Variants in LINGO2 observed in about 807,000 individuals in gnomAD.
LINGO2 encodes the protein leucine rich repeat and Ig domain containing 2, also known as leucine-rich repeat and immunoglobulin-like domain-containing nogo receptor-interacting protein 2.
A neutral mutation model predicts 30.6 loss-of-function variants in LINGO2; 14 were observed. That is an observed-to-expected ratio of 0.46 (90% CI 0.30 to 0.72). The LOEUF (loss-of-function observed/expected upper bound fraction) is 0.72. Ranked by LOEUF, LINGO2 falls within the 30% of genes least tolerant of loss-of-function variation. The probability of loss-of-function intolerance (pLI) is 0.07; values close to 1 mark genes in which losing one functional copy is unlikely to be tolerated. For missense variants in LINGO2, 729 were observed against 751.7 expected, an observed-to-expected ratio of 0.97 and a Z score of 0.35; for synonymous variants, 317 against 288.5, an observed-to-expected ratio of 1.10 and a Z score of -1.00.
At chr9:27,987,985 A>G (rs1209770921) in intron 5 of LINGO2, among the ~76,000 whole-genome samples, 1 of 151,952 alleles carries the variant, frequency 6.6e-6, no homozygotes, top group African/African-American at 2.4e-5. Flanking sequence ...TGTATCTCCT[A>G]ATGCTATCCC....
intron 5 of LINGO2, among the ~76,000 whole-genome samples, chr9:28,007,608 C>T (rs1019720484): frequency 6.6e-6 from 1 of 152,100 alleles, no homozygotes; most frequent in African/African-American, 2.4e-5. Flanking sequence ...GATGCCCTGA[C>T]AAATAAAACA....
chr9:28,982,474 A>T, the LINGO2 span, among the ~76,000 whole-genome samples: 8 of 150,532 alleles, frequency 5.3e-5, no homozygotes, highest in Non-Finnish European at 4.5e-5. Flanking sequence ...TCTAAGTCCT[A>T]TGGAGATTTG....
chr9:28,543,842 C>T lies in LINGO2; in HGVS notation c.-364-67817G>A, dbSNP rs150667969. Among the ~76,000 whole-genome samples the T allele has an allele frequency of 3.5e-3, 533 of 152,120 alleles. 2 individuals carry two copies. Among genetic ancestry groups the T allele is most frequent in the African/African-American group, 0.012 (487 of 41,532 alleles). Reference sequence around the variant, plus strand: ...GAGGGGGTTAGAAGGCACCTGATGACATACTTAAGTTTAATAAGATCTTGA... The same window carrying T: ...GAGGGGGTTAGAAGGCACCTGATGATATACTTAAGTTTAATAAGATCTTGA... On this transcript the variant is annotated intron_variant, in intron 1 of 5. Coordinates refer to ENST00000379992, the Ensembl canonical transcript of LINGO2.
intron 1 of LINGO2, among the ~76,000 whole-genome samples, chr9:28,540,275 T>TCC (rs1400992446): frequency 6.7e-6 from 1 of 150,320 alleles, no homozygotes; most frequent in African/African-American, 2.5e-5. Context: ...TCTCTCTCTC[T>TCC]CCCTCTCTCT....
the LINGO2 span, among the ~76,000 whole-genome samples, chr9:28,716,207 TG>T: frequency 2.0e-5 from 3 of 151,872 alleles, no homozygotes; most frequent in African/African-American, 7.2e-5. Flanking sequence ...AGCAATGCGA[TG>T]GCTCCTTCCA....
the LINGO2 span, among the ~76,000 whole-genome samples, chr9:29,153,341 A>G: frequency 6.6e-6 from 1 of 152,130 alleles, no homozygotes; most frequent in Non-Finnish European, 1.5e-5. Context: ...AGCTTTTATT[A>G]AAGGTAACAT....
At chr9:28,033,100 C>T (rs1248742321) in intron 4 of LINGO2, among the ~76,000 whole-genome samples, 3 of 152,184 alleles carry the variant, frequency 2.0e-5, no homozygotes, top group Non-Finnish European at 2.9e-5. Context: ...AAACCCTCTG[C>T]ATTTGCTGCT....
the LINGO2 span, among the ~76,000 whole-genome samples, chr9:28,711,732 T>A: frequency 1.3e-5 from 2 of 152,164 alleles, no homozygotes; most frequent in Non-Finnish European, 2.9e-5. Flanking sequence ...ATACTTAATT[T>A]CCTCATCTAG....
At chr9:29,145,082 T>G in the LINGO2 span, among the ~76,000 whole-genome samples, 1 of 152,230 alleles carries the variant, frequency 6.6e-6, no homozygotes, top group Non-Finnish European at 1.5e-5. Flanking sequence ...TAGTTTTATT[T>G]CTTTAATTTT....
At chr9:28,709,112 G>A in the LINGO2 span, among the ~76,000 whole-genome samples, 4 of 152,014 alleles carry the variant, frequency 2.6e-5, no homozygotes, top group African/African-American at 9.7e-5. Context: ...CCTTGTTCCT[G>A]TTCTTTTTAT....
At position 28,095,289 on chromosome 9, in the gene LINGO2, T is replaced by A. The variant is rs142648095; in HGVS notation, c.-86-82884A>T. Among the ~76,000 whole-genome samples the A allele has an allele frequency of 5.7e-3, 871 of 152,182 alleles. 5 individuals carry two copies. The highest frequency in any genetic ancestry group is 0.017 in the Middle Eastern group (5 of 294). On this transcript the variant is annotated intron_variant, in intron 4 of 5. Coordinates refer to ENST00000379992, the Ensembl canonical transcript of LINGO2. ...GTAGGCACAGGGACAGTTCGCCGTA[T>A]CCCAACTACTCAGTCAGCAACCGCA...
intron 5 of LINGO2, among the ~76,000 whole-genome samples, chr9:27,986,608 G>A (rs1228239620): frequency 6.6e-6 from 1 of 151,846 alleles, no homozygotes; most frequent in Admixed American, 6.6e-5. Context: ...AGAATGCACA[G>A]GAAAGAAAGG....
the LINGO2 span, among the ~76,000 whole-genome samples, chr9:28,801,015 G>A: frequency 2.0e-5 from 3 of 152,024 alleles, no homozygotes; most frequent in Admixed American, 6.6e-5. Context: ...CAATCCCACT[G>A]AACCTCTCTC....
At chr9:28,810,083 G>A in the LINGO2 span, among the ~76,000 whole-genome samples, 914 of 151,926 alleles carry the variant, frequency 6.0e-3, 7 homozygotes, top group Non-Finnish European at 9.6e-3. Context: ...TGTTTATTTT[G>A]CCTGCCAGAT....
At chr9:28,516,670 T>G (rs774339601) in intron 1 of LINGO2, among the ~76,000 whole-genome samples, 1 of 152,214 alleles carries the variant, frequency 6.6e-6, no homozygotes, top group Non-Finnish European at 1.5e-5. Flanking sequence ...GAGGACAATA[T>G]TTGATATTCT....
chr9:28,326,964 T>C (rs935330317), intron 3 of LINGO2, among the ~76,000 whole-genome samples: 1 of 152,118 alleles, frequency 6.6e-6, no homozygotes, highest in Non-Finnish European at 1.5e-5. Context: ...CTGAATGCAA[T>C]TTGTGTCTCT....
At chr9:28,451,076 A>T (rs1206589216) in intron 2 of LINGO2, among the ~76,000 whole-genome samples, 1 of 151,894 alleles carries the variant, frequency 6.6e-6, no homozygotes, top group Admixed American at 6.6e-5. Flanking sequence ...AAAATTTTTG[A>T]ATGCAAGTGT....
At chr9:28,126,424 C>G (rs1013326205) in intron 4 of LINGO2, among the ~76,000 whole-genome samples, 4 of 152,132 alleles carry the variant, frequency 2.6e-5, no homozygotes, top group African/African-American at 9.7e-5. Context: ...CATTAGATAA[C>G]AAAGAGTTGT....
At chr9:28,990,444 A>C in the LINGO2 span, among the ~76,000 whole-genome samples, 2 of 152,220 alleles carry the variant, frequency 1.3e-5, no homozygotes, top group African/African-American at 4.8e-5. Context: ...ACAAACAAAA[A>C]GGCAGCAGTA....
Sources: gnomAD v4.1 joint callset for allele counts (sites outside exome capture counted in the v4.1 genomes callset) on GRCh38, gnomAD v4.1.1 for gene constraint, MANE v1.5 for transcripts, NCBI Gene and HGNC (gene_info 2026-07-23, HGNC 2026-07-21) for gene names.